The following VAV1 variants were observed in gnomAD, a reference collection of about 807,000 sequenced individuals.
The protein encoded by VAV1 is proto-oncogene vav.
Under a neutral mutation model 128.1 loss-of-function variants are expected in VAV1, and 33 were observed. That is an observed-to-expected ratio of 0.26 (90% CI 0.20 to 0.34). The LOEUF (loss-of-function observed/expected upper bound fraction) is 0.34. Ranked by LOEUF, VAV1 falls within the 10% of genes least tolerant of loss-of-function variation. The pLI is 1.00. For synonymous variants in VAV1, 394 were observed against 409.8 expected, an observed-to-expected ratio of 0.96 and a Z score of 0.47; for missense variants, 715 against 1,093.7, an observed-to-expected ratio of 0.65 and a Z score of 4.88.
intron 26 of VAV1, among the ~76,000 whole-genome samples, chr19:6,856,350 G>A (rs990736162): frequency 1.3e-5 from 2 of 151,884 alleles, no homozygotes; most frequent in Non-Finnish European, 2.9e-5. Context: ...GCAGGGAGGG[G>A]AACAGACAAA....
At chr19:6,816,333 T>C (rs896650590) in intron 1 of VAV1, 1 of 152,052 alleles carries the variant, frequency 6.6e-6, no homozygotes, top group Non-Finnish European at 1.5e-5. Flanking sequence ...AAAACATTTT[T>C]AAAATTAGCT....
At chr19:6,838,440 T>TCCATCC (rs1972285527) in intron 21 of VAV1, among the ~76,000 whole-genome samples, 1 of 137,010 alleles carries the variant, frequency 7.3e-6, no homozygotes, top group African/African-American at 3.3e-5. Context: ...TCCATCCATC[T>TCCATCC]ATCATCTATC....
chr19:6,836,364 T>C, intron 19 of VAV1, 68 bp from the exon 20 acceptor site: 1 of 1,554,304 alleles, frequency 6.4e-7, no homozygotes, highest in South Asian at 1.2e-5. Flanking sequence ...GCCATTCTCG[T>C]GGGTGGCAAG....
At chr19:6,791,342 G>C (rs944824429) in intron 1 of VAV1, among the ~76,000 whole-genome samples, 1 of 152,136 alleles carries the variant, frequency 6.6e-6, no homozygotes, top group Non-Finnish European at 1.5e-5. Context: ...AGGTCCTTGA[G>C]ATAACTCCTC....
Position 6,822,170 on chromosome 19 carries a change from C to A in VAV1, c.450-51C>A. ...CCCTGCGCTGGGGTCTGCGGGGACC[C>A]TGCTGTGATCTGGGAGAGGTCCAAG... On this transcript the variant is annotated intron_variant, in intron 4 of 26. Coordinates refer to ENST00000602142, the MANE Select transcript of VAV1 (RefSeq NM_005428.4). This position sits in a 1 kb window ranked among gnomAD's most constrained non-coding sequence, Gnocchi z 5.9. 6.5e-7 allele frequency: 1 copy of A among 1,526,830 alleles called. No homozygotes were observed. Among genetic ancestry groups the A allele is most frequent in the Non-Finnish European group, 8.9e-7 (1 of 1,125,008 alleles). 94.6% of individuals were successfully genotyped at this position (1,526,830 alleles called of 1,614,324 possible). A position where few individuals can be genotyped will look rare whatever the true frequency, so the allele number is the denominator to read the frequency against.
intron 1 of VAV1, among the ~76,000 whole-genome samples, chr19:6,796,275 T>A (rs1320885367): frequency 6.6e-6 from 1 of 152,172 alleles, no homozygotes; most frequent in African/African-American, 2.4e-5. Context: ...GGAGAAATAC[T>A]TCAAAGGCTT....
chr19:6,782,660 G>A (rs1360412812), intron 1 of VAV1, among the ~76,000 whole-genome samples: 1 of 151,946 alleles, frequency 6.6e-6, no homozygotes, highest in Non-Finnish European at 1.5e-5. Context: ...AAGGCTAATC[G>A]CTTGAGGCCA....
intron 1 of VAV1, among the ~76,000 whole-genome samples, chr19:6,799,462 C>T (rs1400754002): frequency 1.3e-5 from 2 of 152,156 alleles, no homozygotes; most frequent in Non-Finnish European, 2.9e-5. Flanking sequence ...GCCACCATGC[C>T]CGGCCTATAC....
chr19:6,831,798 A>ATC (rs1972061407), intron 14 of VAV1, among the ~76,000 whole-genome samples: 1 of 152,174 alleles, frequency 6.6e-6, no homozygotes, highest in Non-Finnish European at 1.5e-5. Context: ...TTTGTTGAAC[A>ATC]GAAAAATCGA....
intron 1 of VAV1, among the ~76,000 whole-genome samples, chr19:6,774,921 AT>A (rs61404391): frequency 0.069 from 9,484 of 137,272 alleles, 788 homozygotes; most frequent in African/African-American, 0.21. Flanking sequence ...TGCCTGCCTA[AT>A]TTTTTTTTTT....
chr19:6,809,698 A>G (rs1174317769), intron 1 of VAV1, among the ~76,000 whole-genome samples: 1 of 152,168 alleles, frequency 6.6e-6, no homozygotes, highest in Non-Finnish European at 1.5e-5. Flanking sequence ...GGCTGGGAGG[A>G]GTACAAAACG....
Position 6,778,707 on chromosome 19 carries a change from CAGAG to C in VAV1, c.204+5702_204+5705del, listed in dbSNP as rs773020037. On this transcript the variant is annotated intron_variant, in intron 1 of 26. Coordinates refer to ENST00000602142, the MANE Select transcript of VAV1 (RefSeq NM_005428.4). ...CACCACTGCATTCCAGCCTGGGCAA[CAGAG>C]AGAGACTTTGTCTCAAAAAACAAAA... 4.2e-4 allele frequency among the ~76,000 whole-genome samples: 64 copies of C among 152,068 alleles called. 1 individual carries two copies. The highest frequency in any genetic ancestry group is 1.5e-3 in the African/African-American group (63 of 41,434).
chr19:6,817,957 A>G (rs1349809267), intron 1 of VAV1, among the ~76,000 whole-genome samples: 1 of 152,174 alleles, frequency 6.6e-6, no homozygotes, highest in Non-Finnish European at 1.5e-5. Context: ...AAGTGCTGGG[A>G]TTACAGGCAT....
rs749211248 is a variant in VAV1, at chr19:6,826,733, G to C, written c.927+22G>C. On this transcript the variant is annotated intron_variant, in intron 9 of 26. Transcript: ENST00000602142. The surrounding 1 kb of genome is among the most constrained non-coding windows in gnomAD (Gnocchi z 4.1). The stretch of plus-strand genomic sequence containing the variant: ...GGAGGTGGGCGCCGGGCCACTTCTC[G>C]GGGGCCTCTCCCGCTCCTCCCCAGG... 256 of 1,531,100 alleles carry C rather than the reference G, an allele frequency of 1.7e-4. No homozygotes were observed. The Middle Eastern group carries it at 2.1e-3, about 13-fold the overall frequency. 94.8% of individuals were successfully genotyped at this position (1,531,100 alleles called of 1,614,324 possible). A position where few individuals can be genotyped will look rare whatever the true frequency, so the allele number is the denominator to read the frequency against.
intron 22 of VAV1, among the ~76,000 whole-genome samples, chr19:6,844,822 A>G (rs1453522071): frequency 6.6e-6 from 1 of 152,060 alleles, no homozygotes; most frequent in Non-Finnish European, 1.5e-5. Flanking sequence ...AATCTCAGTC[A>G]TTAAGGTCCA....
chr19:6,834,653 A>G (rs1015571163), intron 19 of VAV1, among the ~76,000 whole-genome samples: 1 of 146,500 alleles, frequency 6.8e-6, no homozygotes. Flanking sequence ...ATATTATAAT[A>G]ATATATAAAA....
At chr19:6,837,777 TAA>T (rs2144802436) in intron 21 of VAV1, among the ~76,000 whole-genome samples, 1 of 152,258 alleles carries the variant, frequency 6.6e-6, no homozygotes, top group East Asian at 1.9e-4. Flanking sequence ...CTGGAAGAGT[TAA>T]AAGTGAGTTT....
At chr19:6,801,732 G>T (rs1427875770) in intron 1 of VAV1, among the ~76,000 whole-genome samples, 1 of 152,134 alleles carries the variant, frequency 6.6e-6, no homozygotes, top group African/African-American at 2.4e-5. Context: ...CTGCCGTCGT[G>T]CTTGGCTCTG....
In VAV1 at chr19:6,819,510, G is replaced by A. The variant is rs531917036; in HGVS notation, c.205-1192G>A. ...TTCTTTCACTGAGCATGTTTTTAAGGTTCATCCATGTTGTAGTGTGGAACA... is the reference window on the plus strand; with the variant it reads ...TTCTTTCACTGAGCATGTTTTTAAGATTCATCCATGTTGTAGTGTGGAACA... On this transcript the variant is annotated intron_variant, in intron 1 of 26. Transcript: ENST00000602142. Among the ~76,000 whole-genome samples, 176 of 152,304 alleles carry A rather than the reference G, an allele frequency of 1.2e-3. 1 individual carries two copies. Among genetic ancestry groups the A allele is most frequent in the African/African-American group, 4.1e-3 (169 of 41,566 alleles).
Sources: gnomAD v4.1 joint callset for allele counts (sites outside exome capture counted in the v4.1 genomes callset) on GRCh38, gnomAD v4.1.1 for gene constraint, Gnocchi (gnomAD v3.1) non-coding constraint, MANE v1.5 for transcripts, NCBI Gene and HGNC (gene_info 2026-07-23, HGNC 2026-07-21) for gene names.